The following CSMD1 variants were observed in gnomAD, a reference collection of about 807,000 sequenced individuals.
CSMD1 encodes the protein CUB and Sushi multiple domains 1, also known as CUB and sushi domain-containing protein 1.
Under a neutral mutation model 417.5 loss-of-function variants are expected in CSMD1, and 213 were observed. The ratio of observed to expected loss-of-function variants is 0.51; its 90% CI spans 0.46 to 0.57. CSMD1 has a LOEUF of 0.57. Among genes scored for constraint, CSMD1 ranks in the 20% least tolerant of loss-of-function variants. The probability of loss-of-function intolerance (pLI) is 0.00; values close to 1 mark genes in which losing one functional copy is unlikely to be tolerated. For missense variants in CSMD1, 6,923 were observed against 4,529.7 expected, an observed-to-expected ratio of 1.53 and a Z score of -15.17; for synonymous variants, 2,862 against 1,736.8, an observed-to-expected ratio of 1.65 and a Z score of -16.11.
chr8:3,520,788 C>T (rs868262721), intron 10 of CSMD1, among the ~76,000 whole-genome samples: 3 of 152,094 alleles, frequency 2.0e-5, no homozygotes, highest in Middle Eastern at 3.2e-3. Flanking sequence ...AACCCCATCA[C>T]CACATCTGTA....
chr8:3,133,573 G>T (rs1469450421), intron 41 of CSMD1, among the ~76,000 whole-genome samples: 2 of 152,208 alleles, frequency 1.3e-5, no homozygotes, highest in African/African-American at 4.8e-5. Flanking sequence ...AGGAATGAAG[G>T]GGTTCTGAGG....
At chr8:4,372,407 T>A (rs530252648) in intron 3 of CSMD1, among the ~76,000 whole-genome samples, 1 of 152,278 alleles carries the variant, frequency 6.6e-6, no homozygotes, top group African/African-American at 2.4e-5. Context: ...AATCATTTCA[T>A]CTGTATTTGA....
intron 5 of CSMD1, among the ~76,000 whole-genome samples, chr8:3,920,301 C>T (rs1280240897): frequency 6.6e-6 from 1 of 151,948 alleles, no homozygotes; most frequent in African/African-American, 2.4e-5. Context: ...TCCCAAAGTG[C>T]TGAGATTATA....
chr8:4,850,446 T>C (rs10503286), intron 1 of CSMD1, among the ~76,000 whole-genome samples: 30,514 of 148,130 alleles, frequency 0.21, 4,019 homozygotes, highest in Non-Finnish European at 0.29. Context: ...TCTTTTTTCA[T>C]TGATTGCTCA....
At chr8:3,143,128 GT>G (rs959484186) in intron 40 of CSMD1, among the ~76,000 whole-genome samples, 2 of 152,078 alleles carry the variant, frequency 1.3e-5, no homozygotes, top group African/African-American at 4.8e-5. Flanking sequence ...AACAATTTTG[GT>G]TTTAAAACAT....
chr8:4,415,307 G>A (rs956999824), intron 3 of CSMD1, among the ~76,000 whole-genome samples: 1 of 152,114 alleles, frequency 6.6e-6, no homozygotes, highest in African/African-American at 2.4e-5. Flanking sequence ...CTCAAAGACA[G>A]GCATCTGTTT....
intron 3 of CSMD1, among the ~76,000 whole-genome samples, chr8:4,061,697 C>G (rs574978674): frequency 2.0e-5 from 3 of 152,268 alleles, no homozygotes; most frequent in Non-Finnish European, 4.4e-5. Flanking sequence ...TATGATTTTT[C>G]AAGTATCTTA....
chr8:3,788,782 G>A (rs931664493), intron 5 of CSMD1, among the ~76,000 whole-genome samples: 2 of 152,178 alleles, frequency 1.3e-5, no homozygotes, highest in South Asian at 4.1e-4. Context: ...GCATAAGAGA[G>A]TGCAAAATCA....
chr8:3,405,909 G>C, intron 15 of CSMD1, 118 bp downstream of exon 15: 1 of 869,174 alleles, frequency 1.2e-6, no homozygotes, highest in Non-Finnish European at 1.8e-6. Context: ...AAGTGACTGT[G>C]TGTGGTATTT....
At chr8:4,093,498 G>C (rs1310735044) in intron 3 of CSMD1, among the ~76,000 whole-genome samples, 3 of 152,248 alleles carry the variant, frequency 2.0e-5, no homozygotes, top group Non-Finnish European at 4.4e-5. Context: ...TGTTATGTTA[G>C]CTCATGATTC....
At chr8:3,830,133 T>C (rs1303355889) in intron 5 of CSMD1, among the ~76,000 whole-genome samples, 4 of 152,212 alleles carry the variant, frequency 2.6e-5, no homozygotes, top group African/African-American at 9.6e-5. Context: ...ATTTCTCTGA[T>C]ATCATTTCAT....
intron 3 of CSMD1, among the ~76,000 whole-genome samples, chr8:4,219,052 T>A (rs1473872255): frequency 6.6e-6 from 1 of 152,166 alleles, no homozygotes; most frequent in Non-Finnish European, 1.5e-5. Flanking sequence ...TGGTCATACG[T>A]TAGAGGTACA....
At chr8:3,964,255 C>G (rs1320153876) in intron 5 of CSMD1, among the ~76,000 whole-genome samples, 2 of 152,256 alleles carry the variant, frequency 1.3e-5, no homozygotes, top group South Asian at 4.1e-4. Flanking sequence ...GTGGCTATCC[C>G]TCCTTTGGGG....
At chr8:4,449,376 G>C (rs1279538826) in intron 2 of CSMD1, among the ~76,000 whole-genome samples, 2 of 152,124 alleles carry the variant, frequency 1.3e-5, no homozygotes, top group African/African-American at 4.8e-5. Flanking sequence ...AATGATTCTG[G>C]TGTATAACAT....
At chr8:4,130,508 G>C (rs559447974) in intron 3 of CSMD1, among the ~76,000 whole-genome samples, 1 of 152,148 alleles carries the variant, frequency 6.6e-6, no homozygotes, top group East Asian at 1.9e-4. Flanking sequence ...TTTGATTCTT[G>C]GCTTTCTGAA....
At chr8:3,014,819 G>C (rs681376) in intron 52 of CSMD1, among the ~76,000 whole-genome samples, 19,805 of 151,844 alleles carry the variant, frequency 0.13, 3,947 homozygotes, top group African/African-American at 0.43. Flanking sequence ...AGGAGGCTGA[G>C]GTGGGAGGAG....
At chr8:4,980,452 C>T (rs1239148753) in intron 1 of CSMD1, among the ~76,000 whole-genome samples, 4 of 152,188 alleles carry the variant, frequency 2.6e-5, no homozygotes, top group East Asian at 1.9e-4. Flanking sequence ...GGCGAGGAGG[C>T]TTTCAAGAGG....
intron 1 of CSMD1, chr8:4,787,737 G>C (rs534565118): frequency 5.7e-6 from 9 of 1,589,026 alleles, no homozygotes; most frequent in African/African-American, 2.7e-5. Context: ...AGTGGTCTGA[G>C]GAACAGCTGA....
At chr8:3,147,073 G>A (rs1241621910) in intron 40 of CSMD1, among the ~76,000 whole-genome samples, 6 of 152,178 alleles carry the variant, frequency 3.9e-5, no homozygotes, top group South Asian at 2.1e-4. Context: ...GAGGAGCAAC[G>A]CTTACTGGTA....
Sources: gnomAD v4.1 joint callset for allele counts (sites outside exome capture counted in the v4.1 genomes callset) on GRCh38, gnomAD v4.1.1 for gene constraint, MANE v1.5 for transcripts, NCBI Gene and HGNC (gene_info 2026-07-23, HGNC 2026-07-21) for gene names.